The following LDLRAD4 variants were observed in gnomAD, a reference collection of about 807,000 sequenced individuals.
The protein encoded by LDLRAD4 is low-density lipoprotein receptor class A domain-containing protein 4.
LDLRAD4 carries 5 observed loss-of-function variants against 17.0 expected under a neutral mutation model. The ratio of observed to expected loss-of-function variants is 0.29; its 90% CI spans 0.15 to 0.62. The LOEUF is 0.62. LDLRAD4 is among the 20% of genes least tolerant of loss of function. The probability of loss-of-function intolerance (pLI) is 0.84; values close to 1 mark genes in which losing one functional copy is unlikely to be tolerated. For synonymous variants in LDLRAD4, 168 were observed against 171.8 expected, an observed-to-expected ratio of 0.98 and a Z score of 0.17; for missense variants, 340 against 424.7, an observed-to-expected ratio of 0.80 and a Z score of 1.75.
chr18:13,615,865 C>G (rs2040018738), intron 3 of LDLRAD4: 1 of 152,228 alleles, frequency 6.6e-6, no homozygotes, highest in Admixed American at 6.5e-5. Context: ...CTTTCTAGCA[C>G]TCTTCTGTGG....
chr18:13,520,505 G>A (rs564324094), intron 3 of LDLRAD4: 2 of 152,358 alleles, frequency 1.3e-5, no homozygotes, highest in South Asian at 2.1e-4. Flanking sequence ...GTCCACATAG[G>A]AAGTGCTCGG....
intron 1 of LDLRAD4, among the ~76,000 whole-genome samples, chr18:13,340,229 T>C (rs1424552922): frequency 1.3e-5 from 2 of 152,212 alleles, no homozygotes; most frequent in Admixed American, 6.5e-5. Context: ...GCTATGAACA[T>C]TGATGTACCC....
chr18:13,604,641 A>G (rs1207696725), intron 3 of LDLRAD4, among the ~76,000 whole-genome samples: 1 of 152,214 alleles, frequency 6.6e-6, no homozygotes. Flanking sequence ...TCAGCCTTCC[A>G]TTTTGGGGAT....
At chr18:13,221,557 T>C (rs1195184878) in intron 1 of LDLRAD4, among the ~76,000 whole-genome samples, 1 of 152,324 alleles carries the variant, frequency 6.6e-6, no homozygotes, top group East Asian at 1.9e-4. Context: ...GGGACATTTT[T>C]TGGGGGGCAT....
chr18:13,389,702 GA>G (rs1199237084), intron 2 of LDLRAD4, among the ~76,000 whole-genome samples: 1 of 152,168 alleles, frequency 6.6e-6, no homozygotes, highest in Admixed American at 6.5e-5. Flanking sequence ...TGCTGCACCT[GA>G]TGGTGGTCCA....
At chr18:13,547,558 C>T (rs996605548) in intron 3 of LDLRAD4, among the ~76,000 whole-genome samples, 11 of 152,176 alleles carry the variant, frequency 7.2e-5, no homozygotes, top group Non-Finnish European at 1.6e-4. Flanking sequence ...CAAGGGCGAG[C>T]CAGGTGCAGA....
chr18:13,612,128 T>A, intron 3 of LDLRAD4: 2 of 985,858 alleles, frequency 2.0e-6, no homozygotes, highest in Non-Finnish European at 2.4e-6. Flanking sequence ...GAAGGAGTAT[T>A]GTGTGAGACT....
At chr18:13,552,351 A>G (rs2094442905) in intron 3 of LDLRAD4, among the ~76,000 whole-genome samples, 1 of 152,234 alleles carries the variant, frequency 6.6e-6, no homozygotes, top group Admixed American at 6.5e-5. Flanking sequence ...GCTGGAAGGC[A>G]TGCCTGCATG....
chr18:13,370,714 T>TTTTTTTTTTTTGTTTG lies in LDLRAD4; in HGVS notation c.-382-16616_-382-16615insGTTTGTTTTTTTTTTT, dbSNP rs1555663219. 2.0e-3 allele frequency among the ~76,000 whole-genome samples: 59 copies of TTTTTTTTTTTTGTTTG among 29,240 alleles called. No individual in the cohort carries two copies. The East Asian group carries it at 0.021, about 11-fold the overall frequency. 19.2% of individuals were successfully genotyped at this position (29,240 alleles called of 152,430 possible). On this transcript the variant is annotated intron_variant, in intron 1 of 5. Transcript: ENST00000359446. ...GTCTCTTTCATGGTTTTTTGTTTTG[T>TTTTTTTTTTTTGTTTG]TTTTTTTTTTTTTTGAGATGGATTC...
At chr18:13,451,288 AG>A (rs2091819748) in intron 3 of LDLRAD4, among the ~76,000 whole-genome samples, 1 of 151,900 alleles carries the variant, frequency 6.6e-6, no homozygotes, top group African/African-American at 2.4e-5. Context: ...GCCAGGCGGG[AG>A]GTGTTTGGGT....
At chr18:13,495,110 T>A (rs2093440599) in intron 3 of LDLRAD4, among the ~76,000 whole-genome samples, 1 of 152,082 alleles carries the variant, frequency 6.6e-6, no homozygotes. Flanking sequence ...TGAATATACA[T>A]ATATGGGACT....
intron 1 of LDLRAD4, among the ~76,000 whole-genome samples, chr18:13,294,044 C>T (rs773244941): frequency 1.3e-5 from 2 of 152,098 alleles, no homozygotes; most frequent in African/African-American, 2.4e-5. Context: ...CCTTTTATGC[C>T]GGAGGTTGCA....
chr18:13,434,651 A>C (rs550390611), intron 2 of LDLRAD4, among the ~76,000 whole-genome samples: 1 of 152,340 alleles, frequency 6.6e-6, no homozygotes, highest in Non-Finnish European at 1.5e-5. Flanking sequence ...AGTGTAGTTT[A>C]GGGGTCAAAA....
chr18:13,494,707 T>TG (rs2093429493), intron 3 of LDLRAD4, among the ~76,000 whole-genome samples: 2 of 22,076 alleles, frequency 9.1e-5, no homozygotes, highest in South Asian at 2.6e-3. Context: ...GTATATTCAG[T>TG]GTATATATAC....
At chr18:13,453,654 T>C (rs933246135) in intron 3 of LDLRAD4, among the ~76,000 whole-genome samples, 15 of 152,228 alleles carry the variant, frequency 9.9e-5, no homozygotes, top group African/African-American at 3.6e-4. Flanking sequence ...TTTTCAGGTG[T>C]CTGAGAGAGA....
At chr18:13,364,390 T>A (rs2083906076) in intron 1 of LDLRAD4, among the ~76,000 whole-genome samples, 1 of 152,156 alleles carries the variant, frequency 6.6e-6, no homozygotes, top group African/African-American at 2.4e-5. Context: ...CAGGCTGAAG[T>A]GCGGTGGTGT....
At chr18:13,427,502 C>A (rs1392964666) in intron 2 of LDLRAD4, 2 of 152,586 alleles carry the variant, frequency 1.3e-5, no homozygotes, top group Non-Finnish European at 2.9e-5. Context: ...TCAGCACTCA[C>A]ACCCAGTTCT....
chr18:13,481,627 G>A (rs1228730626), intron 3 of LDLRAD4, among the ~76,000 whole-genome samples: 5 of 152,152 alleles, frequency 3.3e-5, no homozygotes, highest in Non-Finnish European at 5.9e-5. Flanking sequence ...TTCTGGGGCA[G>A]CAGTGTTCTC....
intron 3 of LDLRAD4, among the ~76,000 whole-genome samples, chr18:13,558,706 A>G (rs1160282321): frequency 1.3e-5 from 2 of 152,236 alleles, no homozygotes; most frequent in African/African-American, 4.8e-5. Context: ...CAGAAATGCA[A>G]AATAATTTTG....
Sources: gnomAD v4.1 joint callset for allele counts (sites outside exome capture counted in the v4.1 genomes callset) on GRCh38, gnomAD v4.1.1 for gene constraint, MANE v1.5 for transcripts, NCBI Gene and HGNC (gene_info 2026-07-23, HGNC 2026-07-21) for gene names.